Variants in HDAC9 observed in about 807,000 individuals in gnomAD.
HDAC9 encodes the protein histone deacetylase 9, also known as MEF-2 interacting transcription repressor (MITR) protein.
Under a neutral mutation model 139.4 loss-of-function variants are expected in HDAC9, and 41 were observed. The observed-to-expected ratio is 0.29, with a 90% CI of 0.23 to 0.38. The LOEUF (loss-of-function observed/expected upper bound fraction) is 0.38, where lower values mean the gene tolerates loss of function less well. HDAC9 is among the 10% of genes least tolerant of loss of function. The pLI is 1.00. For synonymous variants in HDAC9, 517 were observed against 476.2 expected, an observed-to-expected ratio of 1.09 and a Z score of -1.12; for missense variants, 1,147 against 1,297.0, an observed-to-expected ratio of 0.88 and a Z score of 1.78.
chr7:18,746,686 C>T (rs568932731), intron 13 of HDAC9, among the ~76,000 whole-genome samples: 3 of 152,252 alleles, frequency 2.0e-5, no homozygotes, highest in African/African-American at 7.2e-5. Flanking sequence ...TACATTCATT[C>T]ATTTACAGTT....
intron 25 of HDAC9, among the ~76,000 whole-genome samples, chr7:18,991,324 A>C (rs1404292168): frequency 6.6e-6 from 1 of 152,250 alleles, no homozygotes; most frequent in Non-Finnish European, 1.5e-5. Flanking sequence ...ATATAAAATC[A>C]GTTTGTGAAT....
intron 6 of HDAC9, among the ~76,000 whole-genome samples, chr7:18,616,828 G>C (rs1469136448): frequency 6.6e-6 from 1 of 152,160 alleles, no homozygotes; most frequent in East Asian, 1.9e-4. Context: ...GCTGATCCAT[G>C]GTACCTGAAT....
intron 12 of HDAC9, among the ~76,000 whole-genome samples, chr7:18,714,872 T>G (rs572005549): frequency 6.6e-6 from 1 of 152,340 alleles, no homozygotes; most frequent in South Asian, 2.1e-4. Context: ...TCTACTATGA[T>G]TCCTAACACC....
At chr7:18,669,548 TG>T (rs1004594242) in intron 12 of HDAC9, among the ~76,000 whole-genome samples, 1 of 151,858 alleles carries the variant, frequency 6.6e-6, no homozygotes, top group Non-Finnish European at 1.5e-5. Context: ...CATTTTATAG[TG>T]CCATAAATTT....
intron 2 of HDAC9, among the ~76,000 whole-genome samples, chr7:18,554,170 T>A (rs1818002318): frequency 6.6e-6 from 1 of 152,098 alleles, no homozygotes; most frequent in African/African-American, 2.4e-5. Context: ...AGATCTGAAA[T>A]ATACACTATA....
At chr7:18,429,016 C>T (rs1226954342) in intron 1 of HDAC9, 1 of 152,302 alleles carries the variant, frequency 6.6e-6, no homozygotes, top group Non-Finnish European at 1.5e-5. Flanking sequence ...TCAGATCACC[C>T]TGTAGAAAAT....
intron 1 of HDAC9, among the ~76,000 whole-genome samples, chr7:18,435,433 A>G (rs113101004): frequency 0.032 from 4,876 of 152,232 alleles, 93 homozygotes; most frequent in African/African-American, 0.057. Context: ...GTCTATGGCT[A>G]TATAGACTAT....
At chr7:18,930,738 C>G (rs1199476896) in intron 22 of HDAC9, among the ~76,000 whole-genome samples, 1 of 152,182 alleles carries the variant, frequency 6.6e-6, no homozygotes. Flanking sequence ...CTGCCTCAGT[C>G]TCTGACTGCA....
chr7:18,869,099 G>T (rs1370746792), intron 21 of HDAC9, among the ~76,000 whole-genome samples: 1 of 151,848 alleles, frequency 6.6e-6, no homozygotes, highest in Non-Finnish European at 1.5e-5. Flanking sequence ...CCAAAGAGGG[G>T]GGCATGGGAA....
At chr7:18,733,037 A>ATGT (rs1786469462) in intron 13 of HDAC9, among the ~76,000 whole-genome samples, 1 of 146,216 alleles carries the variant, frequency 6.8e-6, no homozygotes, top group African/African-American at 2.5e-5. Flanking sequence ...GTATATATAC[A>ATGT]GATATACATA....
chr7:18,648,283 C>G (rs1017155245), intron 10 of HDAC9, among the ~76,000 whole-genome samples, 183 bp from the exon 11 acceptor site: 4 of 152,134 alleles, frequency 2.6e-5, no homozygotes, highest in South Asian at 2.1e-4. Flanking sequence ...TTTCTCTCTT[C>G]CCACACCTGA....
At chr7:18,298,955 G>C (rs1453925119) in intron 1 of HDAC9, among the ~76,000 whole-genome samples, 2 of 152,014 alleles carry the variant, frequency 1.3e-5, no homozygotes, top group Non-Finnish European at 2.9e-5. Flanking sequence ...TTATAGTTAG[G>C]ATTGTATCTG....
At chr7:18,438,432 G>C (rs933282805) in intron 1 of HDAC9, among the ~76,000 whole-genome samples, 5 of 152,086 alleles carry the variant, frequency 3.3e-5, no homozygotes, top group Non-Finnish European at 7.4e-5. Flanking sequence ...CACTTTGCCA[G>C]TCATTGGACT....
At chr7:18,924,123 T>TA (rs1402609278) in intron 22 of HDAC9, among the ~76,000 whole-genome samples, 10 of 150,416 alleles carry the variant, frequency 6.6e-5, no homozygotes, top group African/African-American at 1.7e-4. Context: ...TTGCCTGTTT[T>TA]AAAAAAAAGG....
intron 1 of HDAC9, among the ~76,000 whole-genome samples, chr7:18,404,367 C>T (rs544543221): frequency 2.6e-5 from 4 of 151,540 alleles, no homozygotes; most frequent in Non-Finnish European, 4.4e-5. Context: ...ATCATGTAAA[C>T]GATTTATCCT....
chr7:18,843,301 T>G (rs1257572963), intron 21 of HDAC9, among the ~76,000 whole-genome samples: 1 of 152,148 alleles, frequency 6.6e-6, no homozygotes, highest in Non-Finnish European at 1.5e-5. Context: ...TGTAATACTT[T>G]GAAATATCAG....
At chr7:18,195,309 A>T (rs924114976) in intron 2 of HDAC9, among the ~76,000 whole-genome samples, 28 of 152,166 alleles carry the variant, frequency 1.8e-4, no homozygotes, top group African/African-American at 6.3e-4. Context: ...AGTATGATTT[A>T]AAAAATGTAT....
At chr7:18,226,351 C>T (rs1199947545) in intron 2 of HDAC9, among the ~76,000 whole-genome samples, 3 of 152,110 alleles carry the variant, frequency 2.0e-5, no homozygotes, top group Admixed American at 1.3e-4. Context: ...AAAGACTTGG[C>T]CCCTGTGAGA....
At chr7:18,505,269 A>T (rs1300417064) in intron 2 of HDAC9, among the ~76,000 whole-genome samples, 3 of 152,184 alleles carry the variant, frequency 2.0e-5, no homozygotes, top group Non-Finnish European at 4.4e-5. Context: ...ATTATTATTA[A>T]TGTATTTTGG....
Sources: allele counts gnomAD v4.1 joint callset (sites outside exome capture counted in the v4.1 genomes callset), GRCh38; gene constraint gnomAD v4.1.1; transcripts MANE v1.5; gene names NCBI Gene and HGNC (gene_info 2026-07-23, HGNC 2026-07-21).